SPDYE12: variants seen among roughly 807,000 people sequenced by gnomAD.
SPDYE12 encodes speedy protein E12.
chr7:74,908,866 G>A, the SPDYE12 span, among the ~76,000 whole-genome samples: 33 of 147,912 alleles, frequency 2.2e-4, 1 homozygote, highest in Non-Finnish European at 4.3e-4. Flanking sequence ...TTTTTTAAGT[G>A]GAGACAGGGT....
the SPDYE12 span, among the ~76,000 whole-genome samples, chr7:74,907,361 G>A: frequency 1.5e-4 from 23 of 151,282 alleles, no homozygotes; most frequent in African/African-American, 3.4e-4. Context: ...CTGGGAGGCC[G>A]AAGCAGGAGG....
chr7:74,915,031 T>C, the SPDYE12 span, among the ~76,000 whole-genome samples: 3,403 of 117,510 alleles, frequency 0.029, no homozygotes, highest in African/African-American at 0.072. Flanking sequence ...GGGAAAGGCA[T>C]AAACTGAATG....
At chr7:74,907,898 G>C in the SPDYE12 span, among the ~76,000 whole-genome samples, 3 of 148,756 alleles carry the variant, frequency 2.0e-5, no homozygotes, top group Admixed American at 1.3e-4. Context: ...CTCCAGCTTA[G>C]GGGACAGGGC....
the SPDYE12 span, among the ~76,000 whole-genome samples, chr7:74,908,883 A>G: frequency 7.6e-4 from 113 of 148,878 alleles, 1 homozygote; most frequent in Middle Eastern, 6.9e-3. Context: ...GGGTTTCACC[A>G]TGTTAGCCAG....
the SPDYE12 span, among the ~76,000 whole-genome samples, chr7:74,907,955 T>G: frequency 6.6e-6 from 1 of 150,388 alleles, no homozygotes; most frequent in African/African-American, 2.4e-5. Flanking sequence ...ACTGATATTT[T>G]GCCAGGACCC....
chr7:74,910,821 T>G, the SPDYE12 span: 1 of 1,092,668 alleles, frequency 9.2e-7, no homozygotes, highest in Non-Finnish European at 1.4e-6. Context: ...CACAGTTACA[T>G]AGAGAACAAC....
At chr7:74,908,588 A>T in the SPDYE12 span, among the ~76,000 whole-genome samples, 1 of 139,484 alleles carries the variant, frequency 7.2e-6, no homozygotes, top group African/African-American at 2.7e-5. Flanking sequence ...TGCTGGGGGA[A>T]GTGTCATGTC....
chr7:74,908,713 G>T, the SPDYE12 span, among the ~76,000 whole-genome samples: 1 of 104,250 alleles, frequency 9.6e-6, no homozygotes, highest in Non-Finnish European at 1.7e-5. Context: ...TCATTCTGTC[G>T]CCCAGGCTGG....
At chr7:74,904,554 A>C in the SPDYE12 span, among the ~76,000 whole-genome samples, 2 of 151,738 alleles carry the variant, frequency 1.3e-5, no homozygotes, top group South Asian at 4.2e-4. Context: ...TATATATGTT[A>C]ACTAAGTATC....
chr7:74,910,740 G>A, the SPDYE12 span: 27 of 1,432,752 alleles, frequency 1.9e-5, 1 homozygote, highest in South Asian at 3.0e-4. Context: ...AGCATCTGGT[G>A]GGAGGTGGTG....
the SPDYE12 span, among the ~76,000 whole-genome samples, chr7:74,908,419 G>A: frequency 1.8e-3 from 142 of 80,282 alleles, 2 homozygotes; most frequent in Admixed American, 4.5e-3. Flanking sequence ...GGCTTGGGGA[G>A]AGACTCCAGG....
chr7:74,909,953 G>T, the SPDYE12 span, among the ~76,000 whole-genome samples: 1 of 150,528 alleles, frequency 6.6e-6, no homozygotes, highest in African/African-American at 2.4e-5. Context: ...AGGAGCTTCA[G>T]GGCTGCAGCC....
chr7:74,909,708 G>C, the SPDYE12 span: 36 of 1,525,198 alleles, frequency 2.4e-5, no homozygotes, highest in Non-Finnish European at 3.0e-5. Flanking sequence ...CTGCCCATCA[G>C]AGAAGGGACC....
the SPDYE12 span, chr7:74,909,709 A>AGAAGGGAC: frequency 6.6e-7 from 1 of 1,517,274 alleles, no homozygotes; most frequent in African/African-American, 1.4e-5. Flanking sequence ...TGCCCATCAG[A>AGAAGGGAC]GAAGGGACCT....
the SPDYE12 span, chr7:74,907,028 C>T: frequency 2.0e-5 from 31 of 1,582,604 alleles, 1 homozygote; most frequent in African/African-American, 2.7e-5. Flanking sequence ...CGGGTCTCCT[C>T]GTACAGGAAG....
chr7:74,907,526 G>GT, the SPDYE12 span, among the ~76,000 whole-genome samples: 3 of 151,274 alleles, frequency 2.0e-5, no homozygotes, highest in Middle Eastern at 3.4e-3. Flanking sequence ...GAGACCAGGA[G>GT]TTTGAGACCA....
the SPDYE12 span, chr7:74,909,679 A>G: frequency 4.6e-4 from 713 of 1,564,498 alleles, 9 homozygotes; most frequent in Non-Finnish European, 5.8e-4. Context: ...AGATAGTGGA[A>G]TGGGGGTCTG....
the SPDYE12 span, chr7:74,909,496 T>C: frequency 8.6e-3 from 12,583 of 1,466,714 alleles, 292 homozygotes; most frequent in Admixed American, 0.01. Flanking sequence ...TGGATATTGA[T>C]GGATAGGAGG....
chr7:74,907,587 C>T, the SPDYE12 span, among the ~76,000 whole-genome samples: 1 of 150,444 alleles, frequency 6.6e-6, no homozygotes, highest in East Asian at 1.9e-4. Flanking sequence ...CAAAAATCAG[C>T]CTGGTGCGGT....
Sources: gnomAD v4.1 joint callset for allele counts (sites outside exome capture counted in the v4.1 genomes callset) on GRCh38, gnomAD v4.1.1 for gene constraint, MANE v1.5 for transcripts, NCBI Gene and HGNC (gene_info 2026-07-23, HGNC 2026-07-21) for gene names.